The following RPGR variants were observed in gnomAD, a reference collection of about 807,000 sequenced individuals.
The protein encoded by RPGR is X-linked retinitis pigmentosa GTPase regulator.
RPGR carries 10 observed loss-of-function variants against 56.3 expected under a neutral mutation model. That is an observed-to-expected ratio of 0.18 (90% CI 0.11 to 0.30). The LOEUF is 0.30. Among genes scored for constraint, RPGR ranks in the 10% least tolerant of loss-of-function variants. The probability of loss-of-function intolerance (pLI) is 1.00; values close to 1 mark genes in which losing one functional copy is unlikely to be tolerated. For synonymous variants in RPGR, 197 were observed against 212.9 expected, an observed-to-expected ratio of 0.93 and a Z score of 0.65; for missense variants, 538 against 590.9, an observed-to-expected ratio of 0.91 and a Z score of 0.93.
intron 5 of RPGR, 91 bp from the exon 6 acceptor site, chrX:38,317,556 A>C (rs1323020212): frequency 2.5e-6 from 2 of 799,404 alleles, no homozygotes; most frequent in African/African-American, 2.1e-5. Context: ...TTATTTTATT[A>C]GTTCATAAAA....
chrX:38,317,638 T>C (rs1022207423), intron 5 of RPGR, among the ~76,000 whole-genome samples, 173 bp from the exon 6 acceptor site: 4 of 112,599 alleles, frequency 3.6e-5, no homozygotes, highest in African/African-American at 3.2e-5. Context: ...TCAATTTATA[T>C]TGTGAAATGC....
chrX:38,301,807 G>A (rs1328150630), intron 8 of RPGR, among the ~76,000 whole-genome samples: 1 of 111,242 alleles, frequency 9.0e-6, no homozygotes, highest in Non-Finnish European at 1.9e-5. Flanking sequence ...TTTGGGGCCA[G>A]ATAATTCATG....
chrX:38,310,858 G>A, intron 6 of RPGR, 85 bp from the exon 7 acceptor site: 4 of 840,451 alleles, frequency 4.8e-6, no homozygotes, highest in Non-Finnish European at 7.0e-6. Context: ...GTTTTGACAA[G>A]GATCACTTAA....
chrX:38,269,869 A>G (rs761696612), intron 18 of RPGR: 2 of 992,934 alleles, frequency 2.0e-6, no homozygotes, highest in African/African-American at 1.9e-5. Context: ...ATTCATTTCC[A>G]TAAGTGAAAC....
At position 38,292,999 on chromosome X, in the gene RPGR, A is replaced by G. The variant is rs747431391; in HGVS notation, c.1415-1515T>C. ...AAACATATGCTTTTATATATGTTAT[A>G]TTGACCCTACGACAACAAGGAAGGT... On this transcript the variant is annotated intron_variant, in intron 11 of 18. Coordinates refer to ENST00000642395, the MANE Select transcript of RPGR (RefSeq NM_000328.3). Among the ~76,000 whole-genome samples, 4 of 111,998 alleles carry G rather than the reference A, an allele frequency of 3.6e-5. No homozygotes were observed. The South Asian group carries it at 1.1e-3, about 31-fold the overall frequency.
chrX:38,287,763 T>A (rs141240728), intron 14 of RPGR, 98 bp downstream of exon 14: 1 of 800,983 alleles, frequency 1.2e-6, no homozygotes, highest in African/African-American at 2.0e-5. Flanking sequence ...TAGCATCAAG[T>A]TGATCAACAC....
At position 38,269,572 on chromosome X, in the gene RPGR, T is replaced by C. The variant is rs778875656; in HGVS notation, c.*54A>G. 66 of 909,206 alleles carry C rather than the reference T, an allele frequency of 7.3e-5. No individual in the cohort carries two copies. In the African/African-American group the frequency reaches 1.0e-3, roughly 14 times the overall value. The allele number at this position is 909,206 out of a possible 1,213,427, so 74.9% of individuals were successfully genotyped here. A position where few individuals can be genotyped will look rare whatever the true frequency, so the allele number is the denominator to read the frequency against. ...AACTTTACTTCATAAGTTATAACAT[T>C]TTTCAAGTATACATTACAATACACT... On this transcript the variant is annotated 3_prime_UTR_variant, in exon 19 of 19. Coordinates refer to ENST00000642395, the MANE Select transcript of RPGR (RefSeq NM_000328.3).
chrX:38,280,016 C>T (rs1334535671), intron 15 of RPGR, among the ~76,000 whole-genome samples: 3 of 110,762 alleles, frequency 2.7e-5, no homozygotes, highest in Non-Finnish European at 5.7e-5. Flanking sequence ...ATACAAAGCC[C>T]TAAGCACTGC....
At chrX:38,285,433 T>A in intron 15 of RPGR, 3 of 1,154,717 alleles carry the variant, frequency 2.6e-6, no homozygotes, top group South Asian at 4.0e-5. Flanking sequence ...TTACTACACA[T>A]AAAATAATTG....
intron 13 of RPGR, 104 bp from the exon 14 acceptor site, chrX:38,288,145 T>A: frequency 1.3e-6 from 1 of 759,068 alleles, no homozygotes; most frequent in Non-Finnish European, 1.9e-6. Context: ...TTTATAAGTT[T>A]AGGAGAATCA....
intron 15 of RPGR, chrX:38,284,563 A>G (rs1345105855): frequency 1.3e-6 from 1 of 750,036 alleles, no homozygotes; most frequent in African/African-American, 2.3e-5. Context: ...ATAGGAGTTT[A>G]GAAATAAAAA....
chrX:38,282,543 A>G (rs2067050130), intron 15 of RPGR, among the ~76,000 whole-genome samples: 1 of 111,369 alleles, frequency 9.0e-6, no homozygotes, highest in South Asian at 3.8e-4. Context: ...AACATCTCCT[A>G]CAATCTAAAA....
chrX:38,301,335 T>C lies in RPGR; in HGVS notation c.971A>G (p.His324Arg), dbSNP rs775245027. Reference sequence around the variant, plus strand: ...CTCCAGTCCAAGTCCTAATTTTCCGTGGCGACCATCTCCAAAAGTATACAT... The same window carrying C: ...CTCCAGTCCAAGTCCTAATTTTCCGCGGCGACCATCTCCAAAAGTATACAT... The change falls in exon 9 of 19, where the codon CAC becomes CGC. Residue 324 changes from histidine to arginine, a missense_variant. By Grantham distance (29) the His-to-Arg change is conservative. This residue lies in a region of RPGR where 181 missense variants were observed against 265.1 expected (regional missense o/e 0.68). Coordinates refer to ENST00000642395, the MANE Select transcript of RPGR (RefSeq NM_000328.3). The C allele has an allele frequency of 1.0e-5, 12 of 1,205,078 alleles. No homozygotes were observed. In the African/African-American group the frequency reaches 1.9e-4, roughly 19 times the overall value.
chrX:38,310,803 A>T, intron 6 of RPGR, 30 bp from the exon 7 acceptor site: 1 of 1,193,297 alleles, frequency 8.4e-7, no homozygotes, highest in Non-Finnish European at 1.1e-6. Flanking sequence ...GTGATTAGTG[A>T]TGACATACAT....
intron 15 of RPGR, chrX:38,276,922 A>G (rs2066946489): frequency 2.1e-6 from 1 of 479,965 alleles, no homozygotes; most frequent in Admixed American, 3.9e-5. Flanking sequence ...AATACTGTAC[A>G]GTCCATGCTG....
chrX:38,285,521 G>C, intron 15 of RPGR: 1 of 1,210,008 alleles, frequency 8.3e-7, no homozygotes, highest in Non-Finnish European at 1.1e-6. Flanking sequence ...GGCCATAATC[G>C]GGTCACATTT....
chrX:38,287,889 A>G lies in RPGR; in HGVS notation c.1725T>C (p.Thr575=). 1 of 1,210,687 alleles carries G rather than the reference A, an allele frequency of 8.3e-7. No individual in the cohort carries two copies. Among genetic ancestry groups the G allele is most frequent in the Non-Finnish European group, 1.1e-6 (1 of 894,759 alleles). The change falls in exon 14 of 19, where the codon ACT becomes ACC. Residue 575 remains threonine (T), a synonymous_variant. Coordinates refer to ENST00000642395, the MANE Select transcript of RPGR (RefSeq NM_000328.3). ...CTTCCTCATCTGAAAATGCTTCGAT[A>G]GTCGTAGCTGGCTGCGTCATGAAAA... is the stretch of plus-strand genomic sequence containing the variant.
chrX:38,285,977 C>T lies in RPGR; in HGVS notation c.1905+1117G>A, dbSNP rs1481259687. ...TCTTCCTCCCCTTCTCCCTCCCCTT[C>T]TTCCTCTCCCTCTCCTTCTTCCTCC... On this transcript the variant is annotated intron_variant, in intron 15 of 18. Coordinates refer to ENST00000642395, the MANE Select transcript of RPGR (RefSeq NM_000328.3). The T allele has an allele frequency of 3.7e-6, 4 of 1,090,202 alleles. No homozygotes were observed. In the Admixed American group the frequency reaches 1.1e-4, roughly 31 times the overall value. 89.8% of individuals were successfully genotyped at this position (1,090,202 alleles called of 1,213,427 possible).
chrX:38,275,753 G>A (rs1601902244), intron 16 of RPGR, among the ~76,000 whole-genome samples: 1 of 110,557 alleles, frequency 9.0e-6, no homozygotes, highest in Non-Finnish European at 1.9e-5. Flanking sequence ...AAAAGGGGAA[G>A]GGGAATGGAG....
Sources: allele counts gnomAD v4.1 joint callset (sites outside exome capture counted in the v4.1 genomes callset), GRCh38; gene constraint gnomAD v4.1.1; regional missense constraint gnomAD v4.1.1; transcripts MANE v1.5; gene names NCBI Gene and HGNC (gene_info 2026-07-23, HGNC 2026-07-21).